Variants in RELN observed in about 807,000 individuals in gnomAD.
RELN encodes the protein reelin.
RELN carries 108 observed loss-of-function variants against 427.6 expected under a neutral mutation model. The observed-to-expected ratio is 0.25, with a 90% CI of 0.22 to 0.30. RELN has a LOEUF of 0.30. Ranked by LOEUF, RELN falls within the 10% of genes least tolerant of loss-of-function variation. The pLI is 1.00. For missense variants in RELN, 3,715 were observed against 4,302.8 expected (o/e 0.86, Z 3.82); for synonymous variants, 1,524 against 1,513.4 (o/e 1.01, Z -0.16).
At chr7:103,488,149 CA>C (rs11324464) in intron 60 of RELN, among the ~76,000 whole-genome samples, 66,206 of 142,502 alleles carry the variant, frequency 0.46, 16,519 homozygotes, top group African/African-American at 0.71. Flanking sequence ...AACTCCGTCT[CA>C]AAAAAAAAAA....
At chr7:103,947,149 A>G (rs1320142870) in intron 1 of RELN, among the ~76,000 whole-genome samples, 1 of 152,218 alleles carries the variant, frequency 6.6e-6, no homozygotes, top group Non-Finnish European at 1.5e-5. Context: ...ATATCTCATC[A>G]TTCAAAAGTC....
intron 1 of RELN, among the ~76,000 whole-genome samples, chr7:103,937,973 A>G (rs913942610): frequency 2.0e-5 from 3 of 152,184 alleles, no homozygotes; most frequent in African/African-American, 7.2e-5. Context: ...TTGTGAATGA[A>G]TTTTTTATTT....
At position 103,559,423 on chromosome 7, in the gene RELN, A is replaced by T. The variant is rs535861054; in HGVS notation, c.5530-1374T>A. Among the ~76,000 whole-genome samples the T allele has an allele frequency of 1.5e-4, 23 of 152,336 alleles. No homozygotes were observed. In the East Asian group the frequency reaches 4.0e-3, roughly 27 times the overall value. On this transcript the variant is annotated intron_variant, in intron 36 of 64. Coordinates refer to ENST00000428762, the MANE Select transcript of RELN (RefSeq NM_005045.4). ...ACTTCAGGACAGGTTGCCATGTAAAAGCCTTATATTTCTAGTCTTTGTTTT... is the reference window on the plus strand; with the variant it reads ...ACTTCAGGACAGGTTGCCATGTAAATGCCTTATATTTCTAGTCTTTGTTTT...
chr7:103,949,005 G>C (rs1225376035), intron 1 of RELN, among the ~76,000 whole-genome samples: 3 of 121,376 alleles, frequency 2.5e-5, no homozygotes, highest in African/African-American at 6.7e-5. Flanking sequence ...CTGGGTGATG[G>C]AATGAGACAT....
intron 51 of RELN, among the ~76,000 whole-genome samples, chr7:103,506,993 A>AAT (rs2117050672): frequency 1.3e-5 from 2 of 152,346 alleles, no homozygotes; most frequent in East Asian, 3.9e-4. Flanking sequence ...AGCTGTTCTA[A>AAT]ATATATATGC....
At chr7:103,717,880 T>A (rs1237074486) in intron 8 of RELN, among the ~76,000 whole-genome samples, 2 of 152,166 alleles carry the variant, frequency 1.3e-5, no homozygotes, top group African/African-American at 2.4e-5. Flanking sequence ...CGATTTCTCC[T>A]CCTCTTGAAC....
intron 20 of RELN, among the ~76,000 whole-genome samples, chr7:103,624,454 T>G (rs1832284648): frequency 6.6e-6 from 1 of 152,106 alleles, no homozygotes; most frequent in South Asian, 2.1e-4. Flanking sequence ...AAGTCGGAGT[T>G]TTACTCTTGT....
At chr7:103,599,712 GA>G (rs1453376651) in intron 24 of RELN, among the ~76,000 whole-genome samples, 1 of 152,286 alleles carries the variant, frequency 6.6e-6, no homozygotes, top group East Asian at 1.9e-4. Flanking sequence ...TGTGAATGCA[GA>G]GAAGATGAAA....
rs2229864 is a variant in RELN, at chr7:103,515,258, A to G, written c.8046T>C (p.His2682=). 0.4 allele frequency: 647,900 copies of G among 1,613,780 alleles called. 143,927 individuals are homozygous for G. The highest frequency in any genetic ancestry group is 0.8 in the East Asian group (35,767 of 44,844). Residue 2682 remains histidine (H), a synonymous_variant, in exon 50 of 65, where the codon CAT becomes CAC. Coordinates refer to ENST00000428762, the MANE Select transcript of RELN (RefSeq NM_005045.4). ...DTFSSAPVPQ[H]ERSPADAGPV... The stretch of plus-strand genomic sequence containing the variant: ...GGCCGGCATCTGCAGGGGAGCGCTC[A>G]TGCTGGGGTACTGGGGCGCTGCTGA...
At position 103,701,106 on chromosome 7, in the gene RELN, T is replaced by C. The variant is rs1834081409; in HGVS notation, c.806-100A>G. The C allele has an allele frequency of 4.0e-6, 3 of 757,000 alleles. No individual in the cohort carries two copies. In the East Asian group the frequency reaches 8.1e-5, roughly 20 times the overall value. The allele number at this position is 757,000 out of a possible 1,614,324, so 46.9% of individuals were successfully genotyped here. On this transcript the variant is annotated intron_variant, in intron 8 of 64. Coordinates refer to ENST00000428762, the MANE Select transcript of RELN (RefSeq NM_005045.4). ...TTTAGATAATTTTTAAACTATTAGA[T>C]ATTTGTCTGGTAACTTCCCCATTCT...
rs1794418652 is a variant in RELN, at chr7:103,874,116, T to A, written c.338-40444A>T. Among the ~76,000 whole-genome samples the A allele has an allele frequency of 1.4e-5, 2 of 143,376 alleles. 1 individual carries two copies. Among genetic ancestry groups the A allele is most frequent in the South Asian group, 5.4e-4 (2 of 3,726 alleles). The allele number at this position is 143,376 out of a possible 152,430, so 94.1% of individuals were successfully genotyped here. A position where few individuals can be genotyped will look rare whatever the true frequency, so the allele number is the denominator to read the frequency against. ...GCCAAAGACAAAAACCACATGATTA[T>A]CTCAATAGATGCAGAAAAAGCCTTT... On this transcript the variant is annotated intron_variant, in intron 2 of 64. Coordinates refer to ENST00000428762, the MANE Select transcript of RELN (RefSeq NM_005045.4).
intron 2 of RELN, among the ~76,000 whole-genome samples, chr7:103,900,306 C>A (rs1378793831): frequency 6.6e-6 from 1 of 152,012 alleles, no homozygotes; most frequent in Non-Finnish European, 1.5e-5. Flanking sequence ...AGGACACAAA[C>A]AAATGGAATA....
At chr7:103,482,425 T>A (rs1355059193) in intron 63 of RELN, among the ~76,000 whole-genome samples, 1 of 152,164 alleles carries the variant, frequency 6.6e-6, no homozygotes, top group African/African-American at 2.4e-5. Flanking sequence ...AACCACAAAC[T>A]CTTTGTTCTA....
At chr7:103,945,522 C>T (rs1796203161) in intron 1 of RELN, among the ~76,000 whole-genome samples, 1 of 152,168 alleles carries the variant, frequency 6.6e-6, no homozygotes, top group African/African-American at 2.4e-5. Flanking sequence ...AAAGAATGCT[C>T]TTCCTTCTAG....
chr7:103,983,220 A>G (rs992566123), intron 1 of RELN, among the ~76,000 whole-genome samples: 27 of 152,196 alleles, frequency 1.8e-4, no homozygotes, highest in Non-Finnish European at 2.6e-4. Flanking sequence ...CCTCAAATAC[A>G]TTTGCTATAA....
chr7:103,985,183 A>T (rs1056398211), intron 1 of RELN, among the ~76,000 whole-genome samples: 1 of 152,168 alleles, frequency 6.6e-6, no homozygotes, highest in Admixed American at 6.5e-5. Context: ...GATATACAGC[A>T]TGAAAAAATT....
At chr7:103,702,579 A>T (rs911383898) in intron 8 of RELN, among the ~76,000 whole-genome samples, 3 of 152,102 alleles carry the variant, frequency 2.0e-5, no homozygotes, top group African/African-American at 7.2e-5. Flanking sequence ...TCTCTTGTCT[A>T]TTTTCTTATG....
At chr7:103,611,504 T>C in intron 21 of RELN, 107 bp downstream of exon 21, 1 of 866,132 alleles carries the variant, frequency 1.2e-6, no homozygotes, top group Middle Eastern at 2.5e-4. Flanking sequence ...ACACTGTTTC[T>C]TTTCAACCAA....
At chr7:103,745,057 C>T (rs143054728) in intron 6 of RELN, among the ~76,000 whole-genome samples, 4,829 of 152,224 alleles carry the variant, frequency 0.032, 259 homozygotes, top group African/African-American at 0.11. Flanking sequence ...CATCGAAAAG[C>T]TTATCCACCA....
Sources: gnomAD v4.1 joint callset for allele counts (sites outside exome capture counted in the v4.1 genomes callset) on GRCh38, gnomAD v4.1.1 for gene constraint, MANE v1.5 for transcripts, NCBI Gene and HGNC (gene_info 2026-07-23, HGNC 2026-07-21) for gene names.